Variants in RPTOR observed in about 807,000 individuals in gnomAD.
The protein encoded by RPTOR is regulatory-associated protein of mTOR.
Under a neutral mutation model 169.9 loss-of-function variants are expected in RPTOR, and 21 were observed. That is an observed-to-expected ratio of 0.12 (90% CI 0.09 to 0.18). The LOEUF (loss-of-function observed/expected upper bound fraction) is 0.18, where lower values mean the gene tolerates loss of function less well. RPTOR is among the 10% of genes least tolerant of loss of function. The probability of loss-of-function intolerance (pLI) is 1.00; values close to 1 mark genes in which losing one functional copy is unlikely to be tolerated. For missense variants in RPTOR, 1,133 were observed against 1,855.9 expected (o/e 0.61, Z 7.16); for synonymous variants, 732 against 753.2 (o/e 0.97, Z 0.46).
chr17:80,917,913 C>G (rs997267104), intron 21 of RPTOR, among the ~76,000 whole-genome samples: 2 of 152,198 alleles, frequency 1.3e-5, no homozygotes, highest in East Asian at 3.9e-4. Flanking sequence ...AAGTGTCTGA[C>G]TGCCTCTCCC....
chr17:80,719,414 C>G (rs2066266555), intron 4 of RPTOR, among the ~76,000 whole-genome samples: 1 of 152,170 alleles, frequency 6.6e-6, no homozygotes, highest in South Asian at 2.1e-4. Flanking sequence ...TGAGAAGATG[C>G]TGAGTACATC....
chr17:80,625,943 G>T (rs1599611986), intron 2 of RPTOR, 150 bp downstream of exon 2: 2 of 618,152 alleles, frequency 3.2e-6, no homozygotes, highest in East Asian at 5.5e-5. Flanking sequence ...CATCACCTTT[G>T]AGTAATTTCC....
At chr17:80,774,960 G>A (rs796419350) in intron 6 of RPTOR, among the ~76,000 whole-genome samples, 36 of 152,320 alleles carry the variant, frequency 2.4e-4, no homozygotes, top group African/African-American at 8.2e-4. Flanking sequence ...GTGCGTAGTC[G>A]TGCTCTGGCA....
At chr17:80,654,674 A>T (rs1402155140) in intron 3 of RPTOR, among the ~76,000 whole-genome samples, 1 of 152,242 alleles carries the variant, frequency 6.6e-6, no homozygotes. Flanking sequence ...GGACTGGAAC[A>T]TGCCCTGAAG....
In RPTOR at chr17:80,957,099, G is replaced by A. The variant is rs1030673529; in HGVS notation, c.3371-525G>A. On this transcript the variant is annotated intron_variant, in intron 28 of 33. Coordinates refer to ENST00000306801, the MANE Select transcript of RPTOR (RefSeq NM_020761.3). This position sits in a 1 kb window ranked among gnomAD's most constrained non-coding sequence, Gnocchi z 4.6. ...TTGTCACCCCGGCCTGGACTTGGGA[G>A]TTCCAGCTTAGAACTGTCACCCCGG... is the stretch of plus-strand genomic sequence containing the variant. Among the ~76,000 whole-genome samples the A allele has an allele frequency of 2.0e-5, 3 of 151,080 alleles. No individual in the cohort carries two copies. The highest frequency in any genetic ancestry group is 4.4e-5 in the Non-Finnish European group (3 of 67,838).
intron 2 of RPTOR, among the ~76,000 whole-genome samples, chr17:80,636,380 C>T (rs73445006): frequency 1.3e-5 from 2 of 152,162 alleles, no homozygotes; most frequent in African/African-American, 2.4e-5. Context: ...ACAGAATACC[C>T]GAGACTGGGT....
intron 1 of RPTOR, among the ~76,000 whole-genome samples, chr17:80,569,062 C>G (rs139050389): frequency 3.7e-3 from 560 of 152,238 alleles, no homozygotes; most frequent in Non-Finnish European, 6.4e-3. Flanking sequence ...TCTTCGTATT[C>G]ATGCTCTCTT....
intron 7 of RPTOR, among the ~76,000 whole-genome samples, chr17:80,821,018 C>T (rs1027505594): frequency 3.3e-5 from 5 of 152,260 alleles, no homozygotes; most frequent in Non-Finnish European, 7.3e-5. Flanking sequence ...ACTAACTTCT[C>T]AATTTCTCCT....
chr17:80,787,554 T>C (rs985264993), intron 6 of RPTOR, among the ~76,000 whole-genome samples: 47 of 152,260 alleles, frequency 3.1e-4, no homozygotes, highest in African/African-American at 1.0e-3. Flanking sequence ...AGTTGCCGGA[T>C]CATAGTGTAT....
At chr17:80,961,301 A>T in intron 30 of RPTOR, 93 bp from the exon 31 acceptor site, 1 of 1,232,596 alleles carries the variant, frequency 8.1e-7, no homozygotes, top group Non-Finnish European at 1.1e-6. Context: ...ACCCGCTGGC[A>T]CAGGCAGACC....
In RPTOR at chr17:80,730,919, G is replaced by A. The variant is rs1004926751; in HGVS notation, c.654+213G>A. ...AACATAATCTTGTTCTGTTGCCCAG[G>A]CTGGAGTGCTGTGGTGCCGTCTCCA... On this transcript the variant is annotated intron_variant, in intron 5 of 33. Coordinates refer to ENST00000306801, the MANE Select transcript of RPTOR (RefSeq NM_020761.3). The surrounding 1 kb of genome is among the most constrained non-coding windows in gnomAD (Gnocchi z 4.2). Among the ~76,000 whole-genome samples the A allele has an allele frequency of 6.6e-6, 1 of 152,156 alleles. No homozygotes were observed. Among genetic ancestry groups the A allele is most frequent in the Non-Finnish European group, 1.5e-5 (1 of 68,024 alleles).
intron 17 of RPTOR, among the ~76,000 whole-genome samples, chr17:80,888,692 C>G (rs747175086): frequency 5.3e-5 from 8 of 152,256 alleles, no homozygotes; most frequent in Non-Finnish European, 1.2e-4. Context: ...ACAGACGACA[C>G]CCCTGCAGGG....
chr17:80,545,498 A>C lies in RPTOR; in HGVS notation c.-132A>C. 1.5e-6 allele frequency: 1 copy of C among 684,854 alleles called. No individual in the cohort carries two copies. Among genetic ancestry groups the C allele is most frequent in the African/African-American group, 1.8e-5 (1 of 54,768 alleles). The allele number at this position is 684,854 out of a possible 1,614,324, so 42.4% of individuals were successfully genotyped here. On this transcript the variant is annotated 5_prime_UTR_variant, in exon 1 of 34. Transcript: ENST00000306801. ...CTTTTGCCTGAGTAAGGGTCTCCGC[A>C]CTCTTTATCCATTTGGTTTTCGATT...
chr17:80,930,024 G>GGCTCTTCCCCA (rs2068856458), intron 24 of RPTOR, among the ~76,000 whole-genome samples: 1 of 116,798 alleles, frequency 8.6e-6, no homozygotes, highest in Non-Finnish European at 2.0e-5. Context: ...GCTCATCCCT[G>GGCTCTTCCCCA]GCTCATCCCC....
At chr17:80,717,542 G>A (rs1379905023) in intron 4 of RPTOR, among the ~76,000 whole-genome samples, 6 of 152,044 alleles carry the variant, frequency 3.9e-5, no homozygotes, top group Admixed American at 3.3e-4. Flanking sequence ...GGAGACAGGC[G>A]CGTGTTCTTC....
At position 80,823,641 on chromosome 17, in the gene RPTOR, TCACACACACACACA is replaced by T. The variant is rs3042670; in HGVS notation, c.1136+443_1136+456del. ...ATCAATTAGTTTTTATGCTTATTTC[TCACACACACACACA>T]CACACACACACACACACACACACAA... On this transcript the variant is annotated intron_variant, in intron 9 of 33. Coordinates refer to ENST00000306801, the MANE Select transcript of RPTOR (RefSeq NM_020761.3). The surrounding 1 kb of genome is among the most constrained non-coding windows in gnomAD (Gnocchi z 4.5). 8.8e-3 allele frequency: 1,376 copies of T among 157,078 alleles called. 14 individuals are homozygous for T. Among genetic ancestry groups the T allele is most frequent in the African/African-American group, 0.028 (1,151 of 40,588 alleles). 9.7% of individuals were successfully genotyped at this position (157,078 alleles called of 1,614,324 possible). A position where few individuals can be genotyped will look rare whatever the true frequency, so the allele number is the denominator to read the frequency against.
In RPTOR at chr17:80,603,759, A is replaced by G. The variant is rs1010674792; in HGVS notation, c.163-21932A>G. On this transcript the variant is annotated intron_variant, in intron 1 of 33. Coordinates refer to ENST00000306801, the MANE Select transcript of RPTOR (RefSeq NM_020761.3). ...TTCCCCCAGAACAAGGTAGACCAAT[A>G]CAAGGTAGTGAAATGTTGCCAGCCA... 3.3e-5 allele frequency among the ~76,000 whole-genome samples: 5 copies of G among 152,232 alleles called. No individual in the cohort carries two copies. In the East Asian group the frequency reaches 7.7e-4, roughly 23 times the overall value.
chr17:80,932,478 A>G (rs890506605), intron 24 of RPTOR, among the ~76,000 whole-genome samples: 8 of 152,202 alleles, frequency 5.3e-5, no homozygotes, highest in African/African-American at 1.9e-4. Context: ...GGAAATAACC[A>G]AGATTAATAT....
At chr17:80,667,165 A>G (rs538794946) in intron 3 of RPTOR, among the ~76,000 whole-genome samples, 169 of 152,280 alleles carry the variant, frequency 1.1e-3, no homozygotes, top group African/African-American at 4.0e-3. Flanking sequence ...TGATCTTTCC[A>G]GTACAGCTTG....
Sources: gnomAD v4.1 joint callset for allele counts (sites outside exome capture counted in the v4.1 genomes callset) on GRCh38, gnomAD v4.1.1 for gene constraint, Gnocchi (gnomAD v3.1) non-coding constraint, MANE v1.5 for transcripts, NCBI Gene and HGNC (gene_info 2026-07-23, HGNC 2026-07-21) for gene names.